PRPSAP2: variants seen among roughly 807,000 people sequenced by gnomAD.
PRPSAP2 encodes the protein phosphoribosyl pyrophosphate synthetase associated protein 2.
A neutral mutation model predicts 40.6 loss-of-function variants in PRPSAP2; 24 were observed. The observed-to-expected ratio is 0.59, with a 90% confidence interval of 0.43 to 0.83. PRPSAP2 has a LOEUF of 0.83. PRPSAP2 is among the 40% of genes least tolerant of loss of function. The pLI is 0.00. For synonymous variants in PRPSAP2, 149 were observed against 164.7 expected (o/e 0.90, Z 0.73); for missense variants, 292 against 465.6 (o/e 0.63, Z 3.43).
chr17:18,870,195 C>G lies in PRPSAP2; in HGVS notation c.173-2388C>G, dbSNP rs183885824. 3.9e-3 allele frequency among the ~76,000 whole-genome samples: 593 copies of G among 152,182 alleles called. 4 individuals are homozygous for G. Among genetic ancestry groups the G allele is most frequent in the African/African-American group, 0.014 (563 of 41,518 alleles). On this transcript the variant is annotated intron_variant, in intron 4 of 11. Coordinates refer to ENST00000268835, the MANE Select transcript of PRPSAP2 (RefSeq NM_002767.4). The stretch of plus-strand genomic sequence containing the variant: ...ACAGTGAACTACCGCCTAGCTTGAA[C>G]AGTTAACATTTTGCCATATGAATAT...
At chr17:18,900,899 G>C (rs1017696957) in intron 8 of PRPSAP2, among the ~76,000 whole-genome samples, 16 of 152,084 alleles carry the variant, frequency 1.1e-4, no homozygotes, top group Admixed American at 4.6e-4. Flanking sequence ...TGCTGAGTTG[G>C]GGGTAGAAGT....
intron 9 of PRPSAP2, among the ~76,000 whole-genome samples, chr17:18,915,376 C>T (rs1178697594): frequency 6.6e-6 from 1 of 152,158 alleles, no homozygotes; most frequent in African/African-American, 2.4e-5. Context: ...TAGATCATTT[C>T]TAAGAAGATT....
chr17:18,868,399 C>T (rs745670363), intron 4 of PRPSAP2, among the ~76,000 whole-genome samples: 9 of 151,780 alleles, frequency 5.9e-5, no homozygotes, highest in Non-Finnish European at 7.4e-5. Flanking sequence ...CGCTTGAACC[C>T]GGGCGGTGGA....
chr17:18,879,005 G>A lies in PRPSAP2; in HGVS notation c.412+1135G>A, dbSNP rs530297987. On this transcript the variant is annotated intron_variant, in intron 6 of 11. Transcript: ENST00000268835. ...GTACCTTAGCTTCTCTAGTAGCTGG[G>A]ACTACAGGTGCCTGCCACCACACTC... is the stretch of plus-strand genomic sequence containing the variant. 9.9e-5 allele frequency among the ~76,000 whole-genome samples: 15 copies of A among 152,072 alleles called. 1 individual carries two copies. The South Asian group carries it at 3.1e-3, about 32-fold the overall frequency.
intron 7 of PRPSAP2, among the ~76,000 whole-genome samples, chr17:18,885,722 G>A (rs1016066596): frequency 1.3e-5 from 2 of 152,022 alleles, no homozygotes. Flanking sequence ...CGAGTAGCTG[G>A]GGTTACAGGC....
At chr17:18,876,768 C>T (rs2038329707) in intron 5 of PRPSAP2, among the ~76,000 whole-genome samples, 1 of 152,086 alleles carries the variant, frequency 6.6e-6, no homozygotes, top group Admixed American at 6.6e-5. Flanking sequence ...GACATTTGAA[C>T]AGAGACTAGA....
chr17:18,898,155 C>T (rs908353401), intron 8 of PRPSAP2, among the ~76,000 whole-genome samples: 6 of 151,812 alleles, frequency 4.0e-5, no homozygotes, highest in Admixed American at 2.0e-4. Context: ...AGCGCCACCA[C>T]GCCCAGCTAA....
Position 18,877,889 on chromosome 17 carries a change from T to A in PRPSAP2, c.412+19T>A, listed in dbSNP as rs767190218. 6.4e-7 allele frequency: 1 copy of A among 1,571,762 alleles called. No homozygotes were observed. On this transcript the variant is annotated intron_variant, in intron 6 of 11. Coordinates refer to ENST00000268835, the MANE Select transcript of PRPSAP2 (RefSeq NM_002767.4). Reference sequence around the variant, plus strand: ...AAAGCTGGTAAGAATGGCAGATGTTTCACAATTAATTGGGGGCCTGGGAGT... The same window carrying A: ...AAAGCTGGTAAGAATGGCAGATGTTACACAATTAATTGGGGGCCTGGGAGT...
At chr17:18,884,904 A>C (rs746677120) in intron 7 of PRPSAP2, among the ~76,000 whole-genome samples, 2 of 152,182 alleles carry the variant, frequency 1.3e-5, no homozygotes, top group Non-Finnish European at 2.9e-5. Context: ...GTTGTGTGCC[A>C]ATGTCTCAAG....
intron 7 of PRPSAP2, among the ~76,000 whole-genome samples, chr17:18,883,877 A>G (rs1339474314): frequency 1.3e-5 from 2 of 152,176 alleles, no homozygotes; most frequent in African/African-American, 4.8e-5. Flanking sequence ...AGCAATTGTT[A>G]TAAGTCCTTA....
Position 18,872,616 on chromosome 17 carries a change from G to A in PRPSAP2, c.206G>A (p.Gly69Glu). The A allele has an allele frequency of 1.3e-6, 2 of 1,598,316 alleles. No homozygotes were observed. The highest frequency in any genetic ancestry group is 1.7e-6 in the Non-Finnish European group (2 of 1,166,010). The change falls in exon 5 of 12, where the codon GGA (glycine) becomes GAA (glutamate). Residue 69 changes from glycine to glutamate, a missense_variant. Coordinates refer to ENST00000268835, the MANE Select transcript of PRPSAP2 (RefSeq NM_002767.4). The stretch of plus-strand genomic sequence containing the variant: ...GTACAAATTCAAGAGTCTGTGAGGG[G>A]AAAAGATGTTTTCATCATCCAAACT... ...TRVQIQESVR[G>E]KDVFIIQTVS... is the part of the protein sequence containing the mutation.
intron 9 of PRPSAP2, among the ~76,000 whole-genome samples, chr17:18,923,333 C>T (rs2041802860): frequency 6.7e-6 from 1 of 148,792 alleles, no homozygotes; most frequent in South Asian, 2.1e-4. Context: ...GTCCCGATCT[C>T]CTGACCTCGT....
intron 5 of PRPSAP2, among the ~76,000 whole-genome samples, chr17:18,875,762 G>A (rs1259132608): frequency 6.6e-6 from 1 of 151,136 alleles, no homozygotes; most frequent in Non-Finnish European, 1.5e-5. Context: ...GCTGAGGCAT[G>A]AGAATCGCTT....
At chr17:18,866,032 T>G (rs1299714486) in intron 3 of PRPSAP2, 80 bp downstream of exon 3, 4 of 1,055,064 alleles carry the variant, frequency 3.8e-6, no homozygotes, top group Non-Finnish European at 4.9e-6. Flanking sequence ...CAGTTATTGT[T>G]AAATTTGAAA....
chr17:18,896,226 AC>A (rs2039896747), intron 8 of PRPSAP2, among the ~76,000 whole-genome samples: 1 of 152,074 alleles, frequency 6.6e-6, no homozygotes, highest in South Asian at 2.1e-4. Context: ...TTTAGTGGCC[AC>A]CCTGTGCCAA....
rs143609071 is a variant in PRPSAP2, at chr17:18,895,499, A to C, written c.584+5622A>C. 1.0e-3 allele frequency among the ~76,000 whole-genome samples: 151 copies of C among 151,642 alleles called. 1 individual carries two copies. Among genetic ancestry groups the C allele is most frequent in the African/African-American group, 3.6e-3 (148 of 41,362 alleles). On this transcript the variant is annotated intron_variant, in intron 8 of 11. Coordinates refer to ENST00000268835, the MANE Select transcript of PRPSAP2 (RefSeq NM_002767.4). ...TTATGATAGCTAATTTATTGTGTCT[A>C]GTTATTCTGACATTGGGCTTTTTCA...
At chr17:18,914,557 G>C (rs1567739319) in intron 9 of PRPSAP2, among the ~76,000 whole-genome samples, 1 of 151,702 alleles carries the variant, frequency 6.6e-6, no homozygotes, top group Non-Finnish European at 1.5e-5. Flanking sequence ...ATTGCATCCA[G>C]CCTTGCTTTT....
Position 18,911,380 on chromosome 17 carries a change from GC to G in PRPSAP2, c.733+131del. On this transcript the variant is annotated intron_variant, in intron 9 of 11. Coordinates refer to ENST00000268835, the MANE Select transcript of PRPSAP2 (RefSeq NM_002767.4). This position sits in a 1 kb window ranked among gnomAD's most constrained non-coding sequence, Gnocchi z 4.5. ...CAAAAACTCATTAACACCTTTCTTG[GC>G]CAGATAGTAGCGAATGCATTTCTGA... is the stretch of plus-strand genomic sequence containing the variant. The G allele has an allele frequency of 1.8e-6, 2 of 1,136,868 alleles. No individual in the cohort carries two copies. The highest frequency in any genetic ancestry group is 2.4e-6 in the Non-Finnish European group (2 of 830,018). 70.4% of individuals were successfully genotyped at this position (1,136,868 alleles called of 1,614,324 possible). A position where few individuals can be genotyped will look rare whatever the true frequency, so the allele number is the denominator to read the frequency against.
chr17:18,877,020 AAG>A (rs1252167237), intron 5 of PRPSAP2, among the ~76,000 whole-genome samples: 5 of 152,130 alleles, frequency 3.3e-5, no homozygotes, highest in Admixed American at 3.3e-4. Flanking sequence ...AGGGAACAGA[AAG>A]AGAGGACACA....
Sources: gnomAD v4.1 joint callset for allele counts (sites outside exome capture counted in the v4.1 genomes callset) on GRCh38, gnomAD v4.1.1 for gene constraint, Gnocchi (gnomAD v3.1) non-coding constraint, MANE v1.5 for transcripts, NCBI Gene and HGNC (gene_info 2026-07-23, HGNC 2026-07-21) for gene names.